Variants in ETV7 observed in about 807,000 individuals in gnomAD.
The protein encoded by ETV7 is ETS variant transcription factor 7, also known as transcription factor ETV7.
ETV7 carries 43 observed loss-of-function variants against 39.1 expected under a neutral mutation model. The observed-to-expected ratio is 1.10, with a 90% CI of 0.86 to 1.42. The LOEUF (loss-of-function observed/expected upper bound fraction) is 1.42. ETV7 is among the 40% of genes most tolerant of loss of function. The pLI is 0.00. For synonymous variants in ETV7, 196 were observed against 176.6 expected (o/e 1.11, Z -0.87); for missense variants, 432 against 442.3 (o/e 0.98, Z 0.21).
At chr6:36,386,587 G>A (rs1158548679) in intron 1 of ETV7, among the ~76,000 whole-genome samples, 1 of 152,320 alleles carries the variant, frequency 6.6e-6, no homozygotes, top group African/African-American at 2.4e-5. Context: ...GCTCCATCAA[G>A]TCATTTTTCA....
intron 2 of ETV7, among the ~76,000 whole-genome samples, chr6:36,378,859 G>A (rs2127398583): frequency 6.6e-6 from 1 of 152,338 alleles, no homozygotes; most frequent in South Asian, 2.1e-4. Context: ...ATTGCTGCCA[G>A]GTGAGATCCC....
chr6:36,384,214 C>A (rs776005862), intron 2 of ETV7, among the ~76,000 whole-genome samples: 1 of 152,152 alleles, frequency 6.6e-6, no homozygotes, highest in Non-Finnish European at 1.5e-5. Flanking sequence ...GGAAATCTAA[C>A]CCAAGGCAAC....
At chr6:36,363,620 T>C (rs780877162), downstream of ETV7, among the ~76,000 whole-genome samples, 1 of 152,252 alleles carries the variant, frequency 6.6e-6, no homozygotes, top group Non-Finnish European at 1.5e-5. Flanking sequence ...CAGAACGGGT[T>C]GCCACTGCTA....
chr6:36,376,075 G>A (rs1251250344), intron 2 of ETV7, 40 bp from the exon 3 acceptor site: 13 of 1,560,706 alleles, frequency 8.3e-6, no homozygotes, highest in African/African-American at 1.3e-5. Context: ...TCCCCGTCGG[G>A]CCTCCTCAAA....
chr6:36,369,206 A>G (rs563730051), intron 5 of ETV7, 135 bp from the exon 6 acceptor site: 181 of 947,288 alleles, frequency 1.9e-4, no homozygotes, highest in Non-Finnish European at 2.7e-4. Flanking sequence ...TGATGATATC[A>G]ACAGAAACAG....
chr6:36,355,274 G>T (rs1772306805), intron 7 of ETV7, among the ~76,000 whole-genome samples: 1 of 152,072 alleles, frequency 6.6e-6, no homozygotes, highest in Non-Finnish European at 1.5e-5. Context: ...TTGGTTTGTT[G>T]AATATTTTTA....
At chr6:36,369,122 A>G in intron 5 of ETV7, 51 bp from the exon 6 acceptor site, 2 of 1,608,526 alleles carry the variant, frequency 1.2e-6, no homozygotes, top group Non-Finnish European at 1.7e-6. Context: ...TGGAGCTGTG[A>G]GGACAGGTGT....
intron 5 of ETV7, among the ~76,000 whole-genome samples, chr6:36,370,332 C>G (rs1772951568): frequency 6.6e-6 from 1 of 152,010 alleles, no homozygotes; most frequent in Non-Finnish European, 1.5e-5. Context: ...GTCAGGAGTT[C>G]AAGACCAGCC....
intron 4 of ETV7, among the ~76,000 whole-genome samples, chr6:36,372,010 C>T (rs1001801543): frequency 3.3e-5 from 5 of 151,544 alleles, no homozygotes; most frequent in South Asian, 2.1e-4. Flanking sequence ...GGGAGATGGA[C>T]GATTAAAATA....
intron 2 of ETV7, among the ~76,000 whole-genome samples, chr6:36,378,989 C>T (rs1773512875): frequency 6.6e-6 from 1 of 152,162 alleles, no homozygotes; most frequent in Non-Finnish European, 1.5e-5. Flanking sequence ...GAAAAGGATG[C>T]TTTGCTGGTG....
At chr6:36,354,278 T>A (rs1772284610) in exon 8 of ETV7, 1 of 156,636 alleles carries the variant, frequency 6.4e-6, no homozygotes, top group Non-Finnish European at 1.4e-5. Context: ...TCAATTTATC[T>A]ATTTTTTTAT....
At chr6:36,380,904 C>T (rs1773619298) in intron 2 of ETV7, among the ~76,000 whole-genome samples, 2 of 152,106 alleles carry the variant, frequency 1.3e-5, no homozygotes, top group South Asian at 2.1e-4. Flanking sequence ...ACCTCTCTTC[C>T]CACAGCATCC....
chr6:36,383,005 G>A (rs962330475), intron 2 of ETV7, among the ~76,000 whole-genome samples: 1 of 151,838 alleles, frequency 6.6e-6, no homozygotes, highest in Non-Finnish European at 1.5e-5. Context: ...AAGAGGCCAT[G>A]GTGGTGACCA....
chr6:36,367,529 T>C (rs1772792416), intron 6 of ETV7, among the ~76,000 whole-genome samples: 2 of 152,174 alleles, frequency 1.3e-5, no homozygotes. Flanking sequence ...CCTACTTGGC[T>C]GAGAACATAG....
chr6:36,384,393 C>T (rs1773796025), intron 2 of ETV7, among the ~76,000 whole-genome samples: 1 of 151,938 alleles, frequency 6.6e-6, no homozygotes. Context: ...CAGAAGTGAT[C>T]CTGCATTGTT....
intron 2 of ETV7, among the ~76,000 whole-genome samples, chr6:36,378,694 G>T (rs1212785474): frequency 1.3e-5 from 2 of 152,126 alleles, no homozygotes; most frequent in African/African-American, 4.8e-5. Context: ...TTGACTCTTT[G>T]GGACTGATAA....
chr6:36,373,407 G>A, intron 4 of ETV7, 46 bp downstream of exon 4: 1 of 1,480,384 alleles, frequency 6.8e-7, no homozygotes, highest in Non-Finnish European at 9.0e-7. Flanking sequence ...TCCCAGTGAG[G>A]CTGATTTGAG....
intron 7 of ETV7, among the ~76,000 whole-genome samples, chr6:36,359,426 G>C (rs1362283751): frequency 6.6e-6 from 1 of 151,322 alleles, no homozygotes; most frequent in Non-Finnish European, 1.5e-5. Flanking sequence ...TCTCCAGCCT[G>C]GGTAACAAGA....
chr6:36,377,797 C>T (rs1773450790), intron 2 of ETV7, among the ~76,000 whole-genome samples: 1 of 152,230 alleles, frequency 6.6e-6, no homozygotes, highest in South Asian at 2.1e-4. Context: ...AGGGAGGAGC[C>T]CCACCACCAA....
Sources: allele counts gnomAD v4.1 joint callset (sites outside exome capture counted in the v4.1 genomes callset), GRCh38; gene constraint gnomAD v4.1.1; transcripts MANE v1.5; gene names NCBI Gene and HGNC (gene_info 2026-07-23, HGNC 2026-07-21).